The following ACTR10 variants were observed in gnomAD, a reference collection of about 807,000 sequenced individuals.
The protein encoded by ACTR10 is actin related protein 10, also known as actin-related protein 10.
ACTR10 carries 43 observed loss-of-function variants against 56.2 expected under a neutral mutation model. The observed-to-expected ratio is 0.77, with a 90% CI of 0.60 to 0.99. The LOEUF is 0.99. ACTR10 is among the 50% of genes least tolerant of loss of function. ACTR10 has a pLI of 0.00. For missense variants in ACTR10, 466 were observed against 507.8 expected (o/e 0.92, Z 0.79); for synonymous variants, 170 against 176.3 (o/e 0.96, Z 0.28).
chr14:58,200,982 G>A (rs1332119702), intron 1 of ACTR10, among the ~76,000 whole-genome samples: 3 of 152,186 alleles, frequency 2.0e-5, no homozygotes, highest in Non-Finnish European at 4.4e-5. Context: ...ACAGTTTCAG[G>A]GAATTGGCAG....
chr14:58,214,324 A>G (rs12147879), intron 6 of ACTR10, among the ~76,000 whole-genome samples: 61,632 of 151,800 alleles, frequency 0.41, 13,044 homozygotes, highest in Non-Finnish European at 0.48. Context: ...AGTTCCATCA[A>G]TGTTGTTGCA....
At chr14:58,233,606 G>A (rs954105860) in intron 12 of ACTR10, among the ~76,000 whole-genome samples, 2 of 152,130 alleles carry the variant, frequency 1.3e-5, no homozygotes, top group Admixed American at 6.6e-5. Context: ...TTAAGTTTTC[G>A]GGGAGTCAAA....
chr14:58,216,115 A>G (rs2140052351), intron 7 of ACTR10, among the ~76,000 whole-genome samples: 1 of 152,004 alleles, frequency 6.6e-6, no homozygotes, highest in East Asian at 1.9e-4. Context: ...TGCCAGGAAT[A>G]ACTTTCCACA....
intron 10 of ACTR10, among the ~76,000 whole-genome samples, chr14:58,228,404 A>C (rs1889450574): frequency 6.6e-6 from 1 of 152,160 alleles, no homozygotes. Flanking sequence ...AGATCGCTTG[A>C]GGCCAGGAGT....
chr14:58,204,941 CAT>C (rs1283601641), intron 2 of ACTR10, among the ~76,000 whole-genome samples: 1 of 152,106 alleles, frequency 6.6e-6, no homozygotes, highest in African/African-American at 2.4e-5. Context: ...TATAAAAACA[CAT>C]GTTGGCCAGA....
intron 3 of ACTR10, among the ~76,000 whole-genome samples, chr14:58,208,494 T>G (rs1375426924): frequency 3.9e-5 from 6 of 152,134 alleles, no homozygotes; most frequent in Non-Finnish European, 7.4e-5. Flanking sequence ...TTCTTGTACT[T>G]TGCAAGTTTT....
At chr14:58,204,544 C>T (rs1317363090) in intron 2 of ACTR10, among the ~76,000 whole-genome samples, 1 of 152,136 alleles carries the variant, frequency 6.6e-6, no homozygotes, top group East Asian at 1.9e-4. Context: ...GAGTGAGACC[C>T]TGTCTCAAAA....
chr14:58,209,160 C>T (rs1461364130), intron 4 of ACTR10, 53 bp downstream of exon 4: 2 of 1,268,968 alleles, frequency 1.6e-6, no homozygotes, highest in Non-Finnish European at 2.2e-6. Context: ...AAAAGAGAAG[C>T]AATAAAATTC....
chr14:58,222,764 G>GAAAAAAA, intron 8 of ACTR10, among the ~76,000 whole-genome samples: 1 of 76,342 alleles, frequency 1.3e-5, no homozygotes, highest in Non-Finnish European at 2.6e-5. Flanking sequence ...GACTCTGTCA[G>GAAAAAAA]AAAAAAAAAA....
chr14:58,231,662 A>G (rs1034432432), intron 11 of ACTR10, among the ~76,000 whole-genome samples: 33 of 152,186 alleles, frequency 2.2e-4, no homozygotes, highest in African/African-American at 8.0e-4. Flanking sequence ...TGGCACTGTG[A>G]ATACACCTTA....
At chr14:58,201,459 A>G (rs1353511895) in intron 1 of ACTR10, among the ~76,000 whole-genome samples, 1 of 152,222 alleles carries the variant, frequency 6.6e-6, no homozygotes, top group East Asian at 1.9e-4. Context: ...ATTGAAGTCT[A>G]ATGGCTTGCA....
At chr14:58,230,634 G>A (rs573433640) in intron 11 of ACTR10, among the ~76,000 whole-genome samples, 154 bp downstream of exon 11, 120 of 152,014 alleles carry the variant, frequency 7.9e-4, no homozygotes, top group Non-Finnish European at 1.4e-3. Context: ...AATTTTTACA[G>A]AATACGGTCC....
Position 58,223,831 on chromosome 14 carries a change from A to C in ACTR10, c.763A>C (p.Ile255Leu), listed in dbSNP as rs1889338575. ...TGACTATCCATTAGATGGAGAGAAG[A>C]TTTTACATATCCTTGGATCAATCAG... ...NVDYPLDGEK[I>L]LHILGSIRDS... is the part of the protein sequence containing the mutation. The change falls in exon 10 of 13, where the codon ATT (isoleucine) becomes CTT (leucine). Residue 255 changes from isoleucine to leucine, a missense_variant. Coordinates refer to ENST00000254286, the MANE Select transcript of ACTR10 (RefSeq NM_018477.3). The C allele has an allele frequency of 6.2e-7, 1 of 1,612,730 alleles. No individual in the cohort carries two copies. The highest frequency in any genetic ancestry group is 1.1e-5 in the South Asian group (1 of 90,860).
chr14:58,210,065 C>T (rs1017309349), intron 4 of ACTR10, among the ~76,000 whole-genome samples: 1 of 152,140 alleles, frequency 6.6e-6, no homozygotes, highest in Non-Finnish European at 1.5e-5. Context: ...GAAGTCGTGT[C>T]AGCTGTTATC....
intron 12 of ACTR10, among the ~76,000 whole-genome samples, chr14:58,233,181 C>A (rs190148420): frequency 2.0e-5 from 3 of 152,202 alleles, no homozygotes; most frequent in Non-Finnish European, 4.4e-5. Context: ...CTTACCATTT[C>A]TTAAAATGTT....
At chr14:58,225,430 ATGTAT>A (rs1458788834) in intron 10 of ACTR10, among the ~76,000 whole-genome samples, 1 of 152,158 alleles carries the variant, frequency 6.6e-6, no homozygotes, top group African/African-American at 2.4e-5. Flanking sequence ...TTATTATGTA[ATGTAT>A]TGAACATCCT....
chr14:58,210,656 G>A (rs1176130573), intron 4 of ACTR10, among the ~76,000 whole-genome samples: 1 of 148,974 alleles, frequency 6.7e-6, no homozygotes, highest in South Asian at 2.1e-4. Flanking sequence ...CTATATTTAT[G>A]TTTCTTGACC....
At chr14:58,225,623 T>C (rs914233802) in intron 10 of ACTR10, among the ~76,000 whole-genome samples, 1 of 152,128 alleles carries the variant, frequency 6.6e-6, no homozygotes, top group African/African-American at 2.4e-5. Context: ...TTTTTAAAAT[T>C]TTCTCCTGAT....
rs1888892713 is a variant in ACTR10, at chr14:58,207,340, T to TG, written c.151-596_151-595insG. ...TTGTTTGTTTGTTTGTTTGTTTGTT[T>TG]TTTGAGACGGAATCTGGTTCTGTTG... On this transcript the variant is annotated intron_variant, in intron 2 of 12. Transcript: ENST00000254286. 2.7e-5 allele frequency among the ~76,000 whole-genome samples: 4 copies of TG among 149,692 alleles called. No individual in the cohort carries two copies. In the Admixed American group the frequency reaches 2.7e-4, roughly 10 times the overall value.
Sources: allele counts gnomAD v4.1 joint callset (sites outside exome capture counted in the v4.1 genomes callset), GRCh38; gene constraint gnomAD v4.1.1; transcripts MANE v1.5; gene names NCBI Gene and HGNC (gene_info 2026-07-23, HGNC 2026-07-21).